The following AFF1 variants were observed in gnomAD, a reference collection of about 807,000 sequenced individuals.
AFF1 encodes the protein ALF transcription elongation factor 1.
In AFF1, 48 loss-of-function variants were observed where a neutral mutation model predicts 121.7. The observed-to-expected ratio is 0.39, with a 90% CI of 0.31 to 0.50. The LOEUF (loss-of-function observed/expected upper bound fraction) is 0.50, where lower values mean the gene tolerates loss of function less well. AFF1 is among the 20% of genes least tolerant of loss of function. The pLI is 0.76. For synonymous variants in AFF1, 613 were observed against 563.0 expected, an observed-to-expected ratio of 1.09 and a Z score of -1.26; for missense variants, 1,523 against 1,511.7, an observed-to-expected ratio of 1.01 and a Z score of -0.12.
intron 2 of AFF1, among the ~76,000 whole-genome samples, chr4:86,949,159 C>CAA (rs1013279387): frequency 1.9e-4 from 27 of 140,750 alleles, no homozygotes; most frequent in Non-Finnish European, 1.2e-4. Flanking sequence ...ATTAGCTATT[C>CAA]AAAAATATAT....
intron 2 of AFF1, among the ~76,000 whole-genome samples, chr4:87,033,017 G>C (rs370966053): frequency 2.0e-5 from 3 of 152,114 alleles, no homozygotes; most frequent in African/African-American, 7.2e-5. Context: ...GGGCATGATG[G>C]TGCATGCCTG....
chr4:86,964,302 T>G (rs1009307222), intron 2 of AFF1, among the ~76,000 whole-genome samples: 1 of 149,326 alleles, frequency 6.7e-6, no homozygotes, highest in African/African-American at 2.5e-5. Context: ...TTTTTTTATT[T>G]TTAGTAGAGA....
Position 87,025,428 on chromosome 4 carries a change from C to T in AFF1, c.39-20738C>T, listed in dbSNP as rs183916286. 5.9e-5 allele frequency among the ~76,000 whole-genome samples: 9 copies of T among 152,306 alleles called. No homozygotes were observed. The East Asian group carries it at 1.4e-3, about 23-fold the overall frequency. On this transcript the variant is annotated intron_variant, in intron 2 of 20. Transcript: ENST00000395146. ...TACCTGGCAGTGACAGCATCTCAGA[C>T]GTGCCGGTCATAAATGTAGCCATTG... is the stretch of plus-strand genomic sequence containing the variant.
rs1332767262 is a variant in AFF1 at position 87,141,005 on chromosome 4, AAAAC to A, written c.*5308_*5311del. 5.6e-6 allele frequency: 1 copy of A among 178,510 alleles called. No homozygotes were observed. Among genetic ancestry groups the A allele is most frequent in the Non-Finnish European group, 1.2e-5 (1 of 82,936 alleles). The allele number at this position is 178,510 out of a possible 1,614,324, so 11.1% of individuals were successfully genotyped here. On this transcript the variant is annotated 3_prime_UTR_variant, in exon 21 of 21. Transcript: ENST00000395146. The stretch of plus-strand genomic sequence containing the variant: ...TTTCATAAGAGGATCAAGCTGTAAA[AAAAC>A]AAAAAAATTAATAAAAATTTCGAGA...
chr4:87,105,285 T>G (rs1474835670), intron 8 of AFF1, among the ~76,000 whole-genome samples: 1 of 152,194 alleles, frequency 6.6e-6, no homozygotes, highest in Non-Finnish European at 1.5e-5. Context: ...CTTCACTGAT[T>G]AGGAGTGAAG....
chr4:87,127,759 T>G (rs1189686217), intron 16 of AFF1, 56 bp downstream of exon 16: 5 of 1,578,302 alleles, frequency 3.2e-6, no homozygotes, highest in Non-Finnish European at 4.3e-6. Flanking sequence ...TAAAAAAAAT[T>G]TTTGGTAGTC....
rs142606125 is a variant in AFF1, at chr4:87,024,639, C to T, written c.39-21527C>T. On this transcript the variant is annotated intron_variant, in intron 2 of 20. Coordinates refer to ENST00000395146, the MANE Select transcript of AFF1 (RefSeq NM_001166693.3). Reference sequence around the variant, plus strand: ...CAGAGTCTTGTTCTGTCTTCCGAGGCTGGAGTACAGTGGCGCTATCTGTTC... The same window carrying T: ...CAGAGTCTTGTTCTGTCTTCCGAGGTTGGAGTACAGTGGCGCTATCTGTTC... 3.7e-4 allele frequency among the ~76,000 whole-genome samples: 57 copies of T among 152,256 alleles called. No homozygotes were observed. In the East Asian group the frequency reaches 7.9e-3, roughly 21 times the overall value.
intron 2 of AFF1, among the ~76,000 whole-genome samples, chr4:87,033,333 G>A (rs560557355): frequency 5.3e-5 from 8 of 152,138 alleles, no homozygotes; most frequent in Non-Finnish European, 5.9e-5. Flanking sequence ...CATTTGTTCT[G>A]GCTGAAGCTG....
intron 2 of AFF1, among the ~76,000 whole-genome samples, chr4:87,001,207 CTTTT>C (rs34072831): frequency 2.5e-3 from 149 of 60,304 alleles, no homozygotes; most frequent in African/African-American, 7.9e-3. Context: ...CCTTTTTCTA[CTTTT>C]TTTTTTTTTT....
chr4:87,013,946 A>G (rs978738229), intron 2 of AFF1, among the ~76,000 whole-genome samples: 2 of 152,038 alleles, frequency 1.3e-5, no homozygotes, highest in Admixed American at 6.5e-5. Flanking sequence ...AGTGAGAGAG[A>G]TCATATAAAC....
At chr4:86,983,597 C>T (rs1723954110) in intron 2 of AFF1, among the ~76,000 whole-genome samples, 3 of 151,716 alleles carry the variant, frequency 2.0e-5, no homozygotes, top group Admixed American at 2.0e-4. Context: ...TGGTGGTGCA[C>T]GTCTTTAATC....
chr4:86,985,181 C>A (rs55804725), intron 2 of AFF1, among the ~76,000 whole-genome samples: 34 of 96,486 alleles, frequency 3.5e-4, no homozygotes, highest in African/African-American at 1.5e-3. Flanking sequence ...ATATGTATTA[C>A]TATATATATA....
chr4:87,084,239 T>C, intron 5 of AFF1, 75 bp downstream of exon 5: 1 of 1,504,672 alleles, frequency 6.6e-7, no homozygotes, highest in Non-Finnish European at 9.2e-7. Context: ...ACTTTCACTT[T>C]AAAGAACAGT....
intron 5 of AFF1, among the ~76,000 whole-genome samples, chr4:87,086,381 C>T (rs1723735830): frequency 6.6e-6 from 1 of 152,106 alleles, no homozygotes; most frequent in Non-Finnish European, 1.5e-5. Flanking sequence ...TATTACAGCA[C>T]CAGACAAGCA....
intron 4 of AFF1, among the ~76,000 whole-genome samples, chr4:87,059,056 ACTC>A (rs1284147012): frequency 6.6e-6 from 1 of 150,944 alleles, no homozygotes; most frequent in Non-Finnish European, 1.5e-5. Flanking sequence ...TGCTGTTCCC[ACTC>A]CTCCTCCAGG....
intron 15 of AFF1, 89 bp downstream of exon 15, chr4:87,127,206 G>A: frequency 5.0e-6 from 6 of 1,193,292 alleles, no homozygotes; most frequent in East Asian, 2.4e-5. Flanking sequence ...TGTCACCCAG[G>A]CTGGAGTGTA....
chr4:87,060,393 A>G (rs1041095419), intron 4 of AFF1, among the ~76,000 whole-genome samples: 4 of 152,252 alleles, frequency 2.6e-5, no homozygotes, highest in Non-Finnish European at 5.9e-5. Flanking sequence ...AGTAATGCAT[A>G]TAATAAAACT....
chr4:87,069,574 TCTCTCC>T (rs1721788097), intron 4 of AFF1, among the ~76,000 whole-genome samples: 2 of 134,676 alleles, frequency 1.5e-5, no homozygotes, highest in South Asian at 4.9e-4. Flanking sequence ...CTCTCTCTCC[TCTCTCC>T]CTCTCCTATC....
Position 87,046,261 on chromosome 4 carries a change from T to A in AFF1, c.134T>A (p.Ile45Asn). The part of the protein sequence containing the change: ...HQEKEAFPEK[I>N]PLFGEPYKTA... ...GAGAAAGAGGCATTTCCTGAAAAGATTCCCCTTTTTGGAGAGCCCTACAAG... is the reference window on the plus strand; with the variant it reads ...GAGAAAGAGGCATTTCCTGAAAAGAATCCCCTTTTTGGAGAGCCCTACAAG... Residue 45 changes from isoleucine to asparagine, a missense_variant, in exon 3 of 21, where the codon ATT (isoleucine) becomes AAT (asparagine). Ile to Asn is a moderately radical substitution (Grantham distance 149). Transcript: ENST00000395146. 6.2e-7 allele frequency: 1 copy of A among 1,613,386 alleles called. No homozygotes were observed. The highest frequency in any genetic ancestry group is 1.1e-5 in the South Asian group (1 of 91,034).
Sources: allele counts gnomAD v4.1 joint callset (sites outside exome capture counted in the v4.1 genomes callset), GRCh38; gene constraint gnomAD v4.1.1; transcripts MANE v1.5; gene names NCBI Gene and HGNC (gene_info 2026-07-23, HGNC 2026-07-21).